Variants in TJP3 observed in about 807,000 individuals in gnomAD.
TJP3 encodes tight junction protein ZO-3.
A neutral mutation model predicts 104.2 loss-of-function variants in TJP3; 85 were observed. The ratio of observed to expected loss-of-function variants is 0.82; its 90% CI spans 0.68 to 0.98. TJP3 has a LOEUF of 0.98. Among genes scored for constraint, TJP3 ranks in the 50% least tolerant of loss-of-function variants. The probability of loss-of-function intolerance (pLI) is 0.00; values close to 1 mark genes in which losing one functional copy is unlikely to be tolerated. For synonymous variants in TJP3, 550 were observed against 550.6 expected, an observed-to-expected ratio of 1.00 and a Z score of 0.02; for missense variants, 1,367 against 1,322.8, an observed-to-expected ratio of 1.03 and a Z score of -0.52.
In TJP3 at chr19:3,733,860, C is replaced by T; in HGVS notation, c.825C>T (p.Phe275=). The T allele has an allele frequency of 9.3e-6, 15 of 1,614,184 alleles. No homozygotes were observed. The highest frequency in any genetic ancestry group is 1.3e-5 in the Non-Finnish European group (15 of 1,180,032). ...TGGTGCTGAGAGATCGTGGGCAGTT[C>T]CTGGTGAACATTCCGCCTGCTGTCA... ...SLLVLRDRGQ[F]LVNIPPAVSD... Residue 275 remains phenylalanine, a synonymous_variant, in exon 7 of 21, where the codon TTC becomes TTT. Coordinates refer to ENST00000541714, the MANE Select transcript of TJP3 (RefSeq NM_001267560.2).
rs769347376 is a variant in TJP3 at position 3,746,791 on chromosome 19, A to G, written c.2237A>G (p.Asn746Ser). 25 of 1,609,448 alleles carry G rather than the reference A, an allele frequency of 1.6e-5. No homozygotes were observed. Among genetic ancestry groups the G allele is most frequent in the Non-Finnish European group, 1.9e-5 (22 of 1,177,892 alleles). The change falls in exon 18 of 21, where the codon AAT becomes AGT. Residue 746 changes from asparagine (N) to serine (S), a missense_variant. Physicochemically the swap from Asn to Ser is conservative, Grantham distance 46. Coordinates refer to ENST00000541714, the MANE Select transcript of TJP3 (RefSeq NM_001267560.2). This position sits in a 1 kb window ranked among gnomAD's most constrained non-coding sequence, Gnocchi z 4.1. Reference sequence around the variant, plus strand: ...CTCCCTGCAGCCACCATCCCTCTGAATGGCACGAGTGACACCTGGTACCAG... The same window carrying G: ...CTCCCTGCAGCCACCATCCCTCTGAGTGGCACGAGTGACACCTGGTACCAG... ...SHLFTATIPL[N>S]GTSDTWYQEL...
At position 3,735,640 on chromosome 19, in the gene TJP3, G is replaced by T. The variant is rs1023383279; in HGVS notation, c.1060+1G>T. ...TCGGAACCAGATGAGCAACGGTCAG[G>T]TGGGTGGTGACTCTGAGCACCCCTG... is the stretch of plus-strand genomic sequence containing the variant. On this transcript the variant is annotated splice_donor_variant, in intron 9 of 20. Transcript: ENST00000541714. LOFTEE classifies it high-confidence loss of function. The T allele has an allele frequency of 6.2e-7, 1 of 1,614,202 alleles. No individual in the cohort carries two copies. Among genetic ancestry groups the T allele is most frequent in the East Asian group, 2.2e-5 (1 of 44,884 alleles).
rs527835771 is a variant in TJP3 at position 3,730,732 on chromosome 19, C to T, written c.613+26C>T. The T allele has an allele frequency of 2.8e-5, 45 of 1,595,936 alleles. No homozygotes were observed. Among genetic ancestry groups the T allele is most frequent in the East Asian group, 4.5e-5 (2 of 44,802 alleles). Reference sequence around the variant, plus strand: ...GTCAGAAGAGGCGGGAGGTCGGACACGATCAGTACTGGACACAGGGCACCG... The same window carrying T: ...GTCAGAAGAGGCGGGAGGTCGGACATGATCAGTACTGGACACAGGGCACCG... On this transcript the variant is annotated intron_variant, in intron 5 of 20. Coordinates refer to ENST00000541714, the MANE Select transcript of TJP3 (RefSeq NM_001267560.2). This position sits in a 1 kb window ranked among gnomAD's most constrained non-coding sequence, Gnocchi z 7.3.
In TJP3 at chr19:3,738,883, C is replaced by T. The variant is rs773936252; in HGVS notation, c.1394-14C>T. On this transcript the variant is annotated splice_polypyrimidine_tract_variant and intron_variant, in intron 12 of 20. Transcript: ENST00000541714. ...GCAGCCCAGGCAGCTCATGTGGCCTCCCGCTCTCCCCAGTTTTCTGGAAAA... is the reference window on the plus strand; with the variant it reads ...GCAGCCCAGGCAGCTCATGTGGCCTTCCGCTCTCCCCAGTTTTCTGGAAAA... The T allele has an allele frequency of 3.2e-6, 5 of 1,567,154 alleles. No individual in the cohort carries two copies. The highest frequency in any genetic ancestry group is 1.7e-5 in the Admixed American group (1 of 57,204).
chr19:3,711,237 G>C (rs1376132387), intron 1 of TJP3, among the ~76,000 whole-genome samples: 2 of 57,742 alleles, frequency 3.5e-5, no homozygotes, highest in African/African-American at 1.2e-4. Context: ...TCGCTCTGTT[G>C]CCCAGGCTGG....
chr19:3,744,382 A>G (rs111874027), intron 15 of TJP3, among the ~76,000 whole-genome samples: 9 of 152,234 alleles, frequency 5.9e-5, no homozygotes, highest in African/African-American at 2.2e-4. Flanking sequence ...TGTAGAAACA[A>G]TGGCCGGGTG....
Position 3,746,002 on chromosome 19 carries a change from C to T in TJP3, c.1940-9C>T, listed in dbSNP as rs117237302. 34,225 of 1,597,302 alleles carry T rather than the reference C, an allele frequency of 0.021. 455 individuals are homozygous for T. The highest frequency in any genetic ancestry group is 0.03 in the Middle Eastern group (182 of 6,036). ...TCCTGAAGCTGCTGGTCCTCTCTGC[C>T]GTCCACAGAGACTGTGTCCAGGACC... On this transcript the variant is annotated splice_polypyrimidine_tract_variant and intron_variant, in intron 15 of 20. Coordinates refer to ENST00000541714, the MANE Select transcript of TJP3 (RefSeq NM_001267560.2). This position sits in a 1 kb window ranked among gnomAD's most constrained non-coding sequence, Gnocchi z 4.1.
chr19:3,729,187 C>T (rs898901889), intron 3 of TJP3, among the ~76,000 whole-genome samples: 12 of 152,130 alleles, frequency 7.9e-5, no homozygotes, highest in African/African-American at 2.9e-4. Flanking sequence ...ACTTCCTGGT[C>T]CTTCACAGGA....
chr19:3,750,067 A>T (rs1272922359), intron 19 of TJP3, 71 bp from the exon 20 acceptor site: 1 of 1,596,802 alleles, frequency 6.3e-7, no homozygotes, highest in Non-Finnish European at 8.6e-7. Flanking sequence ...GATGGGATGG[A>T]GGTGGTTATT....
At chr19:3,719,979 C>T (rs947970988) in intron 1 of TJP3, among the ~76,000 whole-genome samples, 18 of 152,268 alleles carry the variant, frequency 1.2e-4, no homozygotes, top group Admixed American at 1.0e-3. Flanking sequence ...CTCCTGGCCT[C>T]AAGTGATCCT....
intron 19 of TJP3, among the ~76,000 whole-genome samples, chr19:3,748,621 T>G (rs1229576818): frequency 7.3e-6 from 1 of 137,346 alleles, no homozygotes; most frequent in Non-Finnish European, 1.5e-5. Flanking sequence ...CAGGCTGGAG[T>G]GCGATGGCGT....
rs750589901 is a variant in TJP3, at chr19:3,744,062, C to T, written c.1939+28C>T. On this transcript the variant is annotated intron_variant, in intron 15 of 20. Transcript: ENST00000541714. ...GAGAAGCCAGATCCTCTGGAAACCTCGTTGGTGAAATAGTTTCACAACTGT... is the reference window on the plus strand; with the variant it reads ...GAGAAGCCAGATCCTCTGGAAACCTTGTTGGTGAAATAGTTTCACAACTGT... 28 of 1,601,730 alleles carry T rather than the reference C, an allele frequency of 1.7e-5. No homozygotes were observed. The Admixed American group carries it at 3.5e-4, about 20-fold the overall frequency.
Position 3,738,913 on chromosome 19 carries a change from G to A in TJP3, c.1410G>A (p.Val470=), listed in dbSNP as rs202050241. 14 of 1,599,320 alleles carry A rather than the reference G, an allele frequency of 8.8e-6. No homozygotes were observed. In the East Asian group the frequency reaches 2.7e-4, roughly 31 times the overall value. Residue 470 remains valine (V), a synonymous_variant, in exon 13 of 21, where the codon GTG becomes GTA. Transcript: ENST00000541714. ...TCTCCCCAGTTTTCTGGAAAATGGTGCAGTCCCGCGTGGGTGACTCCTTCT... is the reference window on the plus strand; with the variant it reads ...TCTCCCCAGTTTTCTGGAAAATGGTACAGTCCCGCGTGGGTGACTCCTTCT... The part of the protein sequence containing the change: ...QRKQDIFWKM[V]QSRVGDSFYI...
chr19:3,736,229 G>T lies in TJP3; in HGVS notation c.1192G>T (p.Gly398Trp). ...KGKSIGLRLA[G>W]GNDVGIFVSG... ...CAAGAGCATCGGGCTGCGGCTGGCAGGGGGCAATGACGTGGGCATCTTCGT... is the reference window on the plus strand; with the variant it reads ...CAAGAGCATCGGGCTGCGGCTGGCATGGGGCAATGACGTGGGCATCTTCGT... The change falls in exon 11 of 21, where the codon GGG (glycine) becomes TGG (tryptophan). Residue 398 changes from glycine (G) to tryptophan (W), a missense_variant. By Grantham distance (184) the Gly-to-Trp change is radical. Coordinates refer to ENST00000541714, the MANE Select transcript of TJP3 (RefSeq NM_001267560.2). The T allele has an allele frequency of 6.3e-7, 1 of 1,592,082 alleles. No homozygotes were observed. Among genetic ancestry groups the T allele is most frequent in the Non-Finnish European group, 8.6e-7 (1 of 1,169,018 alleles).
intron 8 of TJP3, among the ~76,000 whole-genome samples, chr19:3,735,121 C>T (rs2036721889): frequency 6.6e-6 from 1 of 152,102 alleles, no homozygotes; most frequent in Non-Finnish European, 1.5e-5. Flanking sequence ...CTGCCTCAGC[C>T]TCCCAAAGTG....
At chr19:3,731,800 C>T in intron 5 of TJP3, 135 bp from the exon 6 acceptor site, 1 of 623,440 alleles carries the variant, frequency 1.6e-6, no homozygotes, top group Non-Finnish European at 2.7e-6. Context: ...CTACGGGCGA[C>T]ATCACTGTTC....
intron 1 of TJP3, among the ~76,000 whole-genome samples, chr19:3,710,793 G>A (rs987398604): frequency 1.3e-5 from 2 of 152,138 alleles, no homozygotes; most frequent in African/African-American, 2.4e-5. Flanking sequence ...TCCTGCTCTC[G>A]TGGGGCGCAT....
intron 1 of TJP3, among the ~76,000 whole-genome samples, chr19:3,718,302 G>A (rs914692450): frequency 3.4e-5 from 5 of 145,254 alleles, no homozygotes; most frequent in Non-Finnish European, 7.5e-5. Context: ...ACTCAGGCTG[G>A]TCTCTCCTGG....
intron 1 of TJP3, among the ~76,000 whole-genome samples, chr19:3,715,500 G>A (rs1320977394): frequency 6.6e-6 from 1 of 152,186 alleles, no homozygotes; most frequent in African/African-American, 2.4e-5. Flanking sequence ...AGGTTTGGAG[G>A]ATGGTACTAG....
Sources: allele counts gnomAD v4.1 joint callset (sites outside exome capture counted in the v4.1 genomes callset), GRCh38; gene constraint gnomAD v4.1.1; non-coding constraint Gnocchi (gnomAD v3.1); transcripts MANE v1.5; gene names NCBI Gene and HGNC (gene_info 2026-07-23, HGNC 2026-07-21).